Variants in SLC16A7 observed in about 807,000 individuals in gnomAD.
SLC16A7 encodes solute carrier family 16 member 7.
A neutral mutation model predicts 34.9 loss-of-function variants in SLC16A7; 33 were observed. The ratio of observed to expected loss-of-function variants is 0.94; its 90% CI spans 0.72 to 1.26. The LOEUF (loss-of-function observed/expected upper bound fraction) is 1.26, where lower values mean the gene tolerates loss of function less well. SLC16A7 is among the 50% of genes most tolerant of loss of function. The pLI, the probability that SLC16A7 is intolerant of heterozygous loss-of-function variation, is 0.00. For missense variants in SLC16A7, 573 were observed against 578.1 expected (o/e 0.99, Z 0.09); for synonymous variants, 201 against 206.6 (o/e 0.97, Z 0.23).
intron 3 of SLC16A7, among the ~76,000 whole-genome samples, chr12:59,741,294 G>C (rs1878307683): frequency 6.6e-6 from 1 of 152,270 alleles, no homozygotes; most frequent in Admixed American, 6.5e-5. Context: ...TATGCAGTTG[G>C]TATCAAAGTG....
chr12:59,667,220 A>T (rs1693616), intron 2 of SLC16A7, among the ~76,000 whole-genome samples: 76,782 of 152,002 alleles, frequency 0.51, 20,602 homozygotes, highest in East Asian at 0.71. Flanking sequence ...CTGGGAGATG[A>T]AATTCAAGTT....
At chr12:59,673,908 C>G (rs1212384322) in intron 2 of SLC16A7, among the ~76,000 whole-genome samples, 1 of 152,030 alleles carries the variant, frequency 6.6e-6, no homozygotes, top group East Asian at 1.9e-4. Context: ...GATTTTTTTA[C>G]TCTTTCCTTG....
intron 2 of SLC16A7, among the ~76,000 whole-genome samples, chr12:59,658,088 A>G (rs1306526192): frequency 6.6e-6 from 1 of 152,054 alleles, no homozygotes; most frequent in Admixed American, 6.6e-5. Flanking sequence ...CCATCCCTTT[A>G]AATTGGATAC....
intron 1 of SLC16A7, among the ~76,000 whole-genome samples, chr12:59,628,268 A>C (rs1002597399): frequency 2.0e-4 from 31 of 151,850 alleles, no homozygotes; most frequent in African/African-American, 6.8e-4. Context: ...GCTCTTTTAA[A>C]GTCTTAAATT....
chr12:59,612,711 C>A (rs1351085331), intron 1 of SLC16A7, among the ~76,000 whole-genome samples: 2 of 152,196 alleles, frequency 1.3e-5, no homozygotes, highest in Non-Finnish European at 2.9e-5. Flanking sequence ...TAAATCATCT[C>A]TCTCAAGTTC....
chr12:59,622,340 G>T (rs11173103), intron 1 of SLC16A7, among the ~76,000 whole-genome samples: 1 of 151,730 alleles, frequency 6.6e-6, no homozygotes, highest in Admixed American at 6.6e-5. Context: ...AAACATTTCA[G>T]TCCTACATAT....
chr12:59,690,358 C>A (rs1871507107), intron 2 of SLC16A7, among the ~76,000 whole-genome samples: 2 of 151,928 alleles, frequency 1.3e-5, no homozygotes, highest in South Asian at 4.1e-4. Flanking sequence ...TTTCTGAGTT[C>A]TTAGCTGTGA....
At chr12:59,660,146 AT>A (rs915487312) in intron 2 of SLC16A7, among the ~76,000 whole-genome samples, 10 of 151,368 alleles carry the variant, frequency 6.6e-5, no homozygotes, top group African/African-American at 1.2e-4. Context: ...AATCCTTTAG[AT>A]TTTTTTTTAA....
rs554299702 is a variant in SLC16A7 at position 59,777,555 on chromosome 12, C to G, written c.1181-1868C>G. Among the ~76,000 whole-genome samples the G allele has an allele frequency of 3.3e-5, 5 of 151,512 alleles. No homozygotes were observed. The South Asian group carries it at 1.1e-3, about 32-fold the overall frequency. Reference sequence around the variant, plus strand: ...GAAGCTTTAGTTCTGGAAAGCATATCTGGTTTCTTGATGATGCTAAAAAAT... The same window carrying G: ...GAAGCTTTAGTTCTGGAAAGCATATGTGGTTTCTTGATGATGCTAAAAAAT... On this transcript the variant is annotated intron_variant, in intron 5 of 5. Transcript: ENST00000547379.
intron 2 of SLC16A7, among the ~76,000 whole-genome samples, chr12:59,697,827 G>T (rs916963180): frequency 6.6e-6 from 1 of 151,700 alleles, no homozygotes; most frequent in African/African-American, 2.4e-5. Context: ...TACTTACAGA[G>T]ATAAAATGAC....
intron 3 of SLC16A7, among the ~76,000 whole-genome samples, chr12:59,743,710 A>G (rs892560258): frequency 7.2e-5 from 11 of 152,246 alleles, no homozygotes; most frequent in Admixed American, 6.5e-4. Flanking sequence ...AATGTGTACA[A>G]TTGATACATA....
intron 3 of SLC16A7, among the ~76,000 whole-genome samples, chr12:59,751,549 G>A (rs1263870688): frequency 2.0e-5 from 3 of 152,232 alleles, no homozygotes; most frequent in Non-Finnish European, 4.4e-5. Context: ...CGAGGCTGGG[G>A]GAGGTGCGCC....
At chr12:59,708,375 A>C (rs532252025) in intron 3 of SLC16A7, among the ~76,000 whole-genome samples, 1 of 152,140 alleles carries the variant, frequency 6.6e-6, no homozygotes, top group Admixed American at 6.6e-5. Context: ...TCTGAAAACA[A>C]CTTCACTTTA....
chr12:59,598,671 G>A (rs1878540777), intron 1 of SLC16A7, among the ~76,000 whole-genome samples: 1 of 152,296 alleles, frequency 6.6e-6, no homozygotes, highest in South Asian at 2.1e-4. Context: ...AATAAAAACA[G>A]GTAATGAAGG....
intron 1 of SLC16A7, among the ~76,000 whole-genome samples, chr12:59,606,922 A>G (rs1402685875): frequency 1.3e-5 from 2 of 152,140 alleles, no homozygotes; most frequent in African/African-American, 4.8e-5. Context: ...CCAGAGTAGG[A>G]TTAGTGTCAA....
Position 59,780,447 on chromosome 12 carries a change from T to C in SLC16A7, c.*768T>C, listed in dbSNP as rs958614209. ...AGCACTGTTAGACTTGATTAATCCA[T>C]GCACATGATTTTTTTTGAGTAGGGA... On this transcript the variant is annotated 3_prime_UTR_variant, in exon 6 of 6. Coordinates refer to ENST00000547379, the MANE Select transcript of SLC16A7 (RefSeq NM_001270623.2). 4.6e-5 allele frequency: 7 copies of C among 152,112 alleles called. No homozygotes were observed. Among genetic ancestry groups the C allele is most frequent in the African/African-American group, 1.7e-4 (7 of 41,436 alleles). The allele number at this position is 152,112 out of a possible 1,614,324, so 9.4% of individuals were successfully genotyped here. A position where few individuals can be genotyped will look rare whatever the true frequency, so the allele number is the denominator to read the frequency against.
chr12:59,646,725 G>T (rs762072318), intron 1 of SLC16A7, among the ~76,000 whole-genome samples: 1 of 152,284 alleles, frequency 6.6e-6, no homozygotes, highest in East Asian at 1.9e-4. Flanking sequence ...AAAGCTGCAG[G>T]CACTCAATTC....
intron 3 of SLC16A7, among the ~76,000 whole-genome samples, chr12:59,748,569 A>G (rs1261420671): frequency 6.6e-6 from 1 of 152,148 alleles, no homozygotes; most frequent in African/African-American, 2.4e-5. Context: ...ACACCACGGG[A>G]CCCATACAAA....
chr12:59,772,572 T>TA (rs1463549513), intron 4 of SLC16A7, among the ~76,000 whole-genome samples: 1 of 152,174 alleles, frequency 6.6e-6, no homozygotes, highest in East Asian at 1.9e-4. Context: ...GGATTTACTT[T>TA]AAATCATTAT....
Sources: gnomAD v4.1 joint callset for allele counts (sites outside exome capture counted in the v4.1 genomes callset) on GRCh38, gnomAD v4.1.1 for gene constraint, MANE v1.5 for transcripts, NCBI Gene and HGNC (gene_info 2026-07-23, HGNC 2026-07-21) for gene names.